KISS1: variants seen among roughly 807,000 people sequenced by gnomAD.
KISS1 encodes KiSS-1 metastasis suppressor, also known as metastasis-suppressor KiSS-1.
For synonymous variants in KISS1, 97 were observed against 88.7 expected (o/e 1.09, Z -0.52); for missense variants, 182 against 182.7 (o/e 1.00, Z 0.02).
chr1:204,190,428 C>T lies in KISS1; in HGVS notation c.*56G>A. The T allele has an allele frequency of 1.1e-6, 1 of 935,932 alleles. No individual in the cohort carries two copies. The highest frequency in any genetic ancestry group is 1.7e-6 in the Non-Finnish European group (1 of 606,054). 58.0% of individuals were successfully genotyped at this position (935,932 alleles called of 1,614,324 possible). ...CCTACGTCCCCGCCCCCCGCCCCCGCCCCGCATGCTCTGACTCCTTTGGGG... is the reference window on the plus strand; with the variant it reads ...CCTACGTCCCCGCCCCCCGCCCCCGTCCCGCATGCTCTGACTCCTTTGGGG... On this transcript the variant is annotated 3_prime_UTR_variant, in exon 3 of 3. Coordinates refer to ENST00000367194, the MANE Select transcript of KISS1 (RefSeq NM_002256.4).
intron 1 of KISS1, among the ~76,000 whole-genome samples, chr1:204,195,210 TACGCACACACCCATACACATATAC>T (rs1658818414): frequency 0.046 from 70 of 1,526 alleles, no homozygotes; most frequent in South Asian, 0.079. Context: ...CACACATATA[TACGCACACACCCATACACATATAC>T]ACGCATACAC....
Position 204,194,163 on chromosome 1 carries a change from G to A in KISS1, c.-38-1249C>T, listed in dbSNP as rs2102329882. On this transcript the variant is annotated intron_variant, in intron 1 of 2. Coordinates refer to ENST00000367194, the MANE Select transcript of KISS1 (RefSeq NM_002256.4). Reference sequence around the variant, plus strand: ...AGTAAGAACCCTGAAATGGAATGAGGAGTACTTGAATCTTGCCCCAGCTCT... The same window carrying A: ...AGTAAGAACCCTGAAATGGAATGAGAAGTACTTGAATCTTGCCCCAGCTCT... Among the ~76,000 whole-genome samples the A allele has an allele frequency of 2.0e-5, 3 of 152,278 alleles. No individual in the cohort carries two copies. In the East Asian group the frequency reaches 5.8e-4, roughly 29 times the overall value.
At chr1:204,195,199 A>ACACACAC (rs1299134913) in intron 1 of KISS1, among the ~76,000 whole-genome samples, 3 of 1,146 alleles carry the variant, frequency 2.6e-3, no homozygotes, top group Admixed American at 0.023. Flanking sequence ...CACACACACC[A>ACACACAC]CACACATATA....
chr1:204,195,262 A>C (rs1658826065), intron 1 of KISS1, among the ~76,000 whole-genome samples: 1 of 7,674 alleles, frequency 1.3e-4, no homozygotes, highest in Non-Finnish European at 2.9e-4. Flanking sequence ...CACACATCAT[A>C]CACACACACA....
intron 2 of KISS1, 71 bp from the exon 3 acceptor site, chr1:204,190,868 C>T: frequency 1.6e-6 from 2 of 1,280,474 alleles, no homozygotes; most frequent in Non-Finnish European, 2.2e-6. Flanking sequence ...TCCTGTCATC[C>T]CATCCTATCC....
rs1430478949 is a variant in KISS1, at chr1:204,192,864, C to T, written c.13G>A (p.Val5Ile). 1 of 1,589,238 alleles carries T rather than the reference C, an allele frequency of 6.3e-7. No individual in the cohort carries two copies. Among genetic ancestry groups the T allele is most frequent in the Non-Finnish European group, 8.6e-7 (1 of 1,165,248 alleles). Residue 5 changes from valine to isoleucine, a missense_variant, in exon 2 of 3, where the codon GTT becomes ATT. Physicochemically the swap from Val to Ile is conservative, Grantham distance 29. Coordinates refer to ENST00000367194, the MANE Select transcript of KISS1 (RefSeq NM_002256.4). The surrounding 1 kb of genome is among the most constrained non-coding windows in gnomAD (Gnocchi z 4.2). ...AGGAAAAGCAGTAGCTGCCAAGAAA[C>T]CAGTGAGTTCATCTTGGTGAGAAGA... MNSL[V>I]SWQLLLFLCA...
chr1:204,194,755 G>T (rs73071922), intron 1 of KISS1, among the ~76,000 whole-genome samples: 5 of 152,096 alleles, frequency 3.3e-5, no homozygotes, highest in African/African-American at 1.2e-4. Flanking sequence ...TCGCTGAAAG[G>T]TTTACAGAAA....
At chr1:204,195,188 A>ATACACACACACAC (rs1658816092) in intron 1 of KISS1, among the ~76,000 whole-genome samples, 1 of 3,038 alleles carries the variant, frequency 3.3e-4, no homozygotes, top group Admixed American at 3.5e-3. Context: ...CCACACATGC[A>ATACACACACACAC]CACACACACC....
intron 1 of KISS1, among the ~76,000 whole-genome samples, chr1:204,193,783 C>T (rs1658788409): frequency 6.6e-6 from 1 of 152,090 alleles, no homozygotes; most frequent in Non-Finnish European, 1.5e-5. Context: ...TTCCCATCAC[C>T]CTGCCTTGCT....
Position 204,190,432 on chromosome 1 carries a change from G to T in KISS1, c.*52C>A. The T allele has an allele frequency of 1.0e-5, 5 of 483,278 alleles. No individual in the cohort carries two copies. Among genetic ancestry groups the T allele is most frequent in the East Asian group, 3.6e-5 (1 of 27,464 alleles). 29.9% of individuals were successfully genotyped at this position (483,278 alleles called of 1,614,324 possible). A position where few individuals can be genotyped will look rare whatever the true frequency, so the allele number is the denominator to read the frequency against. ...CGTCCCCGCCCCCCGCCCCCGCCCC[G>T]CATGCTCTGACTCCTTTGGGGTCTG... is the stretch of plus-strand genomic sequence containing the variant. On this transcript the variant is annotated 3_prime_UTR_variant, in exon 3 of 3. Coordinates refer to ENST00000367194, the MANE Select transcript of KISS1 (RefSeq NM_002256.4).
In KISS1 at chr1:204,192,006, C is replaced by G. The variant is rs1021291505; in HGVS notation, c.103+768G>C. Reference sequence around the variant, plus strand: ...GGCAAACGACACCCGGGGCCGTGTCCTCTGTGCTCTGGAAGGTCTTATGGG... The same window carrying G: ...GGCAAACGACACCCGGGGCCGTGTCGTCTGTGCTCTGGAAGGTCTTATGGG... On this transcript the variant is annotated intron_variant, in intron 2 of 2. Transcript: ENST00000367194. This position sits in a 1 kb window ranked among gnomAD's most constrained non-coding sequence, Gnocchi z 4.2. Among the ~76,000 whole-genome samples, 1 of 152,208 alleles carries G rather than the reference C, an allele frequency of 6.6e-6. No individual in the cohort carries two copies. The highest frequency in any genetic ancestry group is 1.9e-4 in the East Asian group (1 of 5,198).
At chr1:204,193,090 C>A (rs1433738441) in intron 1 of KISS1, among the ~76,000 whole-genome samples, 176 bp from the exon 2 acceptor site, 1 of 152,182 alleles carries the variant, frequency 6.6e-6, no homozygotes, top group African/African-American at 2.4e-5. Flanking sequence ...GGGATTGAGA[C>A]TCTTTACACA....
chr1:204,195,695 C>T (rs1201026001), intron 1 of KISS1, among the ~76,000 whole-genome samples: 4 of 146,880 alleles, frequency 2.7e-5, no homozygotes, highest in African/African-American at 1.0e-4. Flanking sequence ...CATATACACA[C>T]ATACACCCAT....
At chr1:204,195,875 G>T (rs1026118359) in intron 1 of KISS1, among the ~76,000 whole-genome samples, 1 of 152,182 alleles carries the variant, frequency 6.6e-6, no homozygotes, top group South Asian at 2.1e-4. Context: ...ACCCTGGGGG[G>T]TTTGTATCCA....
chr1:204,195,282 C>CACAT (rs1658828266), intron 1 of KISS1, among the ~76,000 whole-genome samples: 4 of 108,250 alleles, frequency 3.7e-5, no homozygotes, highest in East Asian at 2.9e-4. Flanking sequence ...ATACACCACA[C>CACAT]ACACCACACA....
intron 2 of KISS1, among the ~76,000 whole-genome samples, chr1:204,191,967 CA>C (rs369949637): frequency 1.9e-3 from 288 of 152,336 alleles, no homozygotes; most frequent in African/African-American, 6.9e-3. Flanking sequence ...GATCCCAGGA[CA>C]GAAGACACGC....
chr1:204,193,307 G>C (rs886806985), intron 1 of KISS1, among the ~76,000 whole-genome samples: 1 of 152,136 alleles, frequency 6.6e-6, no homozygotes, highest in East Asian at 1.9e-4. Flanking sequence ...GCCATATATA[G>C]GAGTGACTGG....
intron 1 of KISS1, among the ~76,000 whole-genome samples, chr1:204,195,108 A>G (rs1571667261): frequency 6.7e-6 from 1 of 149,696 alleles, no homozygotes; most frequent in East Asian, 1.9e-4. Context: ...CATGTGCGCC[A>G]TGGGACAACT....
intron 1 of KISS1, among the ~76,000 whole-genome samples, chr1:204,195,153 A>C (rs1182384898): frequency 1.5e-5 from 2 of 137,320 alleles, no homozygotes; most frequent in Non-Finnish European, 3.2e-5. Context: ...CACACCCCCC[A>C]CACCACACAC....
Sources: gnomAD v4.1 joint callset for allele counts (sites outside exome capture counted in the v4.1 genomes callset) on GRCh38, gnomAD v4.1.1 for gene constraint, Gnocchi (gnomAD v3.1) non-coding constraint, MANE v1.5 for transcripts, NCBI Gene and HGNC (gene_info 2026-07-23, HGNC 2026-07-21) for gene names.